RASAL2: variants seen among roughly 807,000 people sequenced by gnomAD.
RASAL2 encodes the protein RAS protein activator like 2, also known as ras GTPase-activating protein nGAP.
RASAL2 carries 58 observed loss-of-function variants against 128.9 expected under a neutral mutation model. The observed-to-expected ratio is 0.45, with a 90% CI of 0.36 to 0.56. The LOEUF is 0.56. RASAL2 is among the 20% of genes least tolerant of loss of function. The pLI, the probability that RASAL2 is intolerant of heterozygous loss-of-function variation, is 0.00. For missense variants in RASAL2, 1,360 were observed against 1,601.6 expected (o/e 0.85, Z 2.57); for synonymous variants, 561 against 580.8 (o/e 0.97, Z 0.49).
At chr1:178,135,276 GTTA>G (rs1433816715) in intron 1 of RASAL2, among the ~76,000 whole-genome samples, 1 of 152,130 alleles carries the variant, frequency 6.6e-6, no homozygotes, top group Admixed American at 6.5e-5. Context: ...CTAAATATGT[GTTA>G]TTATTGCCTA....
chr1:178,149,261 C>T (rs967082106), intron 1 of RASAL2, among the ~76,000 whole-genome samples: 5 of 152,016 alleles, frequency 3.3e-5, no homozygotes, highest in Admixed American at 2.6e-4. Flanking sequence ...TGTGTTTACT[C>T]TATAAAAGGG....
At chr1:178,401,837 G>C (rs1673647389) in intron 4 of RASAL2, among the ~76,000 whole-genome samples, 1 of 152,050 alleles carries the variant, frequency 6.6e-6, no homozygotes, top group African/African-American at 2.4e-5. Context: ...GTTTAAAAAG[G>C]CCCTGAGCTT....
chr1:178,441,679 A>G (rs1323919958), intron 7 of RASAL2, 32 bp downstream of exon 7: 14 of 1,526,616 alleles, frequency 9.2e-6, no homozygotes, highest in Non-Finnish European at 1.3e-5. Flanking sequence ...TAAAAAATGT[A>G]TAACTTTGTA....
At position 178,153,847 on chromosome 1, in the gene RASAL2, T is replaced by A. The variant is rs59240667; in HGVS notation, c.202+59153T>A. ...TAATTCTATGATTAACATTTTTTTG[T>A]TTTTTGAGATGCAGTTTCGTTCTTG... On this transcript the variant is annotated intron_variant, in intron 1 of 17. Transcript: ENST00000367649. Among the ~76,000 whole-genome samples the A allele has an allele frequency of 5.5e-3, 838 of 152,240 alleles. 9 individuals are homozygous for A. Among genetic ancestry groups the A allele is most frequent in the African/African-American group, 0.019 (787 of 41,544 alleles).
In RASAL2 at chr1:178,441,596, T is replaced by A. The variant is rs146499594; in HGVS notation, c.876T>A (p.Ser292=). The change falls in exon 7 of 18, where the codon TCT becomes TCA. Residue 292 remains serine (S), a synonymous_variant. Transcript: ENST00000367649. ...GSKCFSCNSA[S]ERDKWMENLR... Reference sequence around the variant, plus strand: ...AATGCTTCAGCTGTAATTCTGCTTCTGAGAGAGACAAGTGGATGGAAAACC... The same window carrying A: ...AATGCTTCAGCTGTAATTCTGCTTCAGAGAGAGACAAGTGGATGGAAAACC... 437 of 1,612,820 alleles carry A rather than the reference T, an allele frequency of 2.7e-4. No individual in the cohort carries two copies. In the East Asian group the frequency reaches 8.3e-3, roughly 31 times the overall value.
chr1:178,147,191 T>G (rs1015316243), intron 1 of RASAL2, among the ~76,000 whole-genome samples: 55 of 152,120 alleles, frequency 3.6e-4, no homozygotes, highest in African/African-American at 1.3e-3. Context: ...ATTCTGCCCT[T>G]TTAAAGCTAG....
At chr1:178,162,562 T>G (rs1170976309) in intron 1 of RASAL2, among the ~76,000 whole-genome samples, 2 of 136,732 alleles carry the variant, frequency 1.5e-5, no homozygotes, top group Non-Finnish European at 3.1e-5. Context: ...ATAATATATC[T>G]TTATATAAAA....
intron 1 of RASAL2, among the ~76,000 whole-genome samples, chr1:178,142,942 C>T (rs1419618633): frequency 6.6e-6 from 1 of 151,830 alleles, no homozygotes; most frequent in Admixed American, 6.6e-5. Context: ...CCAGTCTTCT[C>T]CTGGGTAATG....
chr1:178,352,916 G>A (rs1670593780), intron 3 of RASAL2, among the ~76,000 whole-genome samples: 1 of 152,214 alleles, frequency 6.6e-6, no homozygotes, highest in African/African-American at 2.4e-5. Context: ...TTAGACAGCT[G>A]GGACACAGAG....
intron 1 of RASAL2, among the ~76,000 whole-genome samples, chr1:178,170,012 A>G (rs1379565283): frequency 6.6e-6 from 1 of 151,982 alleles, no homozygotes; most frequent in Non-Finnish European, 1.5e-5. Context: ...GTGTATGATT[A>G]TATCCTTCTC....
At chr1:178,166,121 A>C (rs1236456601) in intron 1 of RASAL2, among the ~76,000 whole-genome samples, 1 of 152,176 alleles carries the variant, frequency 6.6e-6, no homozygotes, top group Non-Finnish European at 1.5e-5. Flanking sequence ...AAGTAAAACG[A>C]GACCTGTCCC....
chr1:178,239,222 T>A (rs1177646312), intron 1 of RASAL2, among the ~76,000 whole-genome samples: 1 of 152,112 alleles, frequency 6.6e-6, no homozygotes, highest in Non-Finnish European at 1.5e-5. Context: ...GCATAGTATA[T>A]AACCATAACC....
intron 1 of RASAL2, among the ~76,000 whole-genome samples, chr1:178,250,524 A>C (rs1664997340): frequency 6.6e-6 from 1 of 152,126 alleles, no homozygotes. Flanking sequence ...TGGGAGTGGG[A>C]CTCGCTGATC....
chr1:178,379,848 T>C (rs891925360), intron 3 of RASAL2, among the ~76,000 whole-genome samples: 1 of 152,172 alleles, frequency 6.6e-6, no homozygotes, highest in Admixed American at 6.5e-5. Flanking sequence ...AGAAAATGAA[T>C]AAGATATCAA....
chr1:178,407,589 A>G (rs900553861), intron 4 of RASAL2, among the ~76,000 whole-genome samples: 6 of 152,166 alleles, frequency 3.9e-5, no homozygotes, highest in Admixed American at 3.3e-4. Context: ...CTTACTGTGA[A>G]TCAGGTAACA....
intron 2 of RASAL2, among the ~76,000 whole-genome samples, chr1:178,299,290 A>C (rs1003484044): frequency 2.0e-5 from 3 of 152,200 alleles, no homozygotes; most frequent in African/African-American, 7.2e-5. Context: ...TTTGAGGCGA[A>C]GTCTTTCTGA....
chr1:178,473,413 C>A lies in RASAL2; in HGVS notation c.*174C>A. On this transcript the variant is annotated 3_prime_UTR_variant, in exon 18 of 18. Transcript: ENST00000367649. ...TTTCAGGGCATAAGGCGGCGACTTCCAAGGTCAATGCTTTTCCCCCACATC... is the reference window on the plus strand; with the variant it reads ...TTTCAGGGCATAAGGCGGCGACTTCAAAGGTCAATGCTTTTCCCCCACATC... The A allele has an allele frequency of 1.3e-6, 1 of 742,820 alleles. No homozygotes were observed. Among genetic ancestry groups the A allele is most frequent in the East Asian group, 2.7e-5 (1 of 36,902 alleles). The allele number at this position is 742,820 out of a possible 1,614,324, so 46.0% of individuals were successfully genotyped here. A position where few individuals can be genotyped will look rare whatever the true frequency, so the allele number is the denominator to read the frequency against.
chr1:178,308,722 T>A (rs532425079), intron 3 of RASAL2, among the ~76,000 whole-genome samples: 108 of 151,868 alleles, frequency 7.1e-4, no homozygotes, highest in African/African-American at 2.3e-3. Context: ...TTTTTTTTTT[T>A]AATTTATTCT....
chr1:178,263,989 A>G (rs1665823546), intron 1 of RASAL2, among the ~76,000 whole-genome samples: 1 of 152,196 alleles, frequency 6.6e-6, no homozygotes, highest in African/African-American at 2.4e-5. Flanking sequence ...CTTCTGGTAT[A>G]TTTAGGTACT....
Sources: gnomAD v4.1 joint callset for allele counts (sites outside exome capture counted in the v4.1 genomes callset) on GRCh38, gnomAD v4.1.1 for gene constraint, MANE v1.5 for transcripts, NCBI Gene and HGNC (gene_info 2026-07-23, HGNC 2026-07-21) for gene names.